CEMIP2: variants seen among roughly 807,000 people sequenced by gnomAD.
CEMIP2 encodes cell migration inducing hyaluronidase 2, also known as cell surface hyaluronidase CEMIP2.
A neutral mutation model predicts 146.9 loss-of-function variants in CEMIP2; 79 were observed. That is an observed-to-expected ratio of 0.54 (90% CI 0.45 to 0.65). The LOEUF is 0.65. Among genes scored for constraint, CEMIP2 ranks in the 30% least tolerant of loss-of-function variants. The pLI, the probability that CEMIP2 is intolerant of heterozygous loss-of-function variation, is 0.00. For missense variants in CEMIP2, 1,596 were observed against 1,696.2 expected, an observed-to-expected ratio of 0.94 and a Z score of 1.04; for synonymous variants, 601 against 606.3, an observed-to-expected ratio of 0.99 and a Z score of 0.13.
Position 71,685,667 on chromosome 9 carries a change from G to T in CEMIP2, c.3955+76C>A. The T allele has an allele frequency of 3.3e-6, 4 of 1,225,408 alleles. No homozygotes were observed. In the East Asian group the frequency reaches 7.1e-5, roughly 22 times the overall value. 75.9% of individuals were successfully genotyped at this position (1,225,408 alleles called of 1,614,324 possible). ...GCAAACAAGCTCATGAAAATGGTCT[G>T]GTAGCTGAATTGCACCATAAAATTA... On this transcript the variant is annotated intron_variant, in intron 23 of 23. Coordinates refer to ENST00000377044, the MANE Select transcript of CEMIP2 (RefSeq NM_013390.3).
chr9:71,684,432 A>T lies in CEMIP2; in HGVS notation c.*765T>A, dbSNP rs1821995061. 6.5e-6 allele frequency: 1 copy of T among 152,674 alleles called. No individual in the cohort carries two copies. The highest frequency in any genetic ancestry group is 1.5e-5 in the Non-Finnish European group (1 of 68,050). The allele number at this position is 152,674 out of a possible 1,614,324, so 9.5% of individuals were successfully genotyped here. A position where few individuals can be genotyped will look rare whatever the true frequency, so the allele number is the denominator to read the frequency against. On this transcript the variant is annotated 3_prime_UTR_variant, in exon 24 of 24. Coordinates refer to ENST00000377044, the MANE Select transcript of CEMIP2 (RefSeq NM_013390.3). ...AATATTCAGTTGAGCTCTGCATTTT[A>T]AACACAAATATACAGTCAAAAGAGG...
In CEMIP2 at chr9:71,732,351, C is replaced by A. The variant is rs1823643029; in HGVS notation, c.1563G>T (p.Met521Ile). 1 of 1,605,414 alleles carries A rather than the reference C, an allele frequency of 6.2e-7. No individual in the cohort carries two copies. Among genetic ancestry groups the A allele is most frequent in the Non-Finnish European group, 8.5e-7 (1 of 1,177,248 alleles). The change falls in exon 7 of 24, where the codon ATG becomes ATT. Residue 521 changes from methionine to isoleucine, a missense_variant and splice_region_variant. Met to Ile is a conservative substitution (Grantham distance 10). Transcript: ENST00000377044. ...GAAATAATCAAATCCTTTTGCCTAC[C>A]ATAATGTGTCCCCCAAAGGTATCAT... is the stretch of plus-strand genomic sequence containing the variant. ...FDYDTFGGHI[M>I]IMKNFTSVHL...
chr9:71,696,473 TAA>T (rs879499680), intron 20 of CEMIP2, among the ~76,000 whole-genome samples: 5 of 143,688 alleles, frequency 3.5e-5, no homozygotes, highest in Non-Finnish European at 1.5e-5. Context: ...GAGTTGCCAT[TAA>T]AAAAAAAAAA....
chr9:71,731,261 T>C (rs150890920), intron 7 of CEMIP2, among the ~76,000 whole-genome samples: 11 of 152,378 alleles, frequency 7.2e-5, no homozygotes, highest in African/African-American at 2.6e-4. Context: ...CAGAGTCTGA[T>C]AAATAGTTAT....
intron 1 of CEMIP2, among the ~76,000 whole-genome samples, chr9:71,764,848 C>G (rs919270975): frequency 2.0e-5 from 3 of 151,866 alleles, no homozygotes; most frequent in African/African-American, 7.3e-5. Context: ...AATTATACCT[C>G]TTTACAAATG....
In CEMIP2 at chr9:71,709,458, A is replaced by C. The variant is rs770346868; in HGVS notation, c.2786T>G (p.Phe929Cys). 6.2e-7 allele frequency: 1 copy of C among 1,614,174 alleles called. No homozygotes were observed. The highest frequency in any genetic ancestry group is 8.5e-7 in the Non-Finnish European group (1 of 1,180,020). The change falls in exon 17 of 24, where the codon TTT (phenylalanine) becomes TGT (cysteine). Residue 929 changes from phenylalanine to cysteine, a missense_variant. Phe to Cys is a radical substitution (Grantham distance 205). Coordinates refer to ENST00000377044, the MANE Select transcript of CEMIP2 (RefSeq NM_013390.3). ...AAACCAGGGACCAGGCTTTCCAAAA[A>C]AGACATTCAGAGAGACCTGACCACA... Reference protein sequence around the residue: ...KFGPHVSLNVFFGKPGPWFED... With the variant: ...KFGPHVSLNVCFGKPGPWFED...
At chr9:71,750,475 C>G in intron 1 of CEMIP2, 90 bp from the exon 2 acceptor site, 1 of 1,012,872 alleles carries the variant, frequency 9.9e-7, no homozygotes, top group South Asian at 1.9e-5. Flanking sequence ...GAGTTTCACT[C>G]TTGTTGCCCA....
rs542607940 is a variant in CEMIP2 at position 71,760,750 on chromosome 9, G to A, written c.-13+7607C>T. On this transcript the variant is annotated intron_variant, in intron 1 of 23. Transcript: ENST00000377044. ...GAGCAACCAAAAATAAAAATAAAAA[G>A]AGAGCAAAGTACATAGGCCTCTAGG... Among the ~76,000 whole-genome samples, 3 of 152,158 alleles carry A rather than the reference G, an allele frequency of 2.0e-5. No homozygotes were observed. The South Asian group carries it at 6.2e-4, about 32-fold the overall frequency.
At chr9:71,685,421 A>T in intron 23 of CEMIP2, 28 bp from the exon 24 acceptor site, 1 of 1,463,474 alleles carries the variant, frequency 6.8e-7, no homozygotes. Context: ...AAAGAAAAAG[A>T]AAAAAAATCA....
intron 13 of CEMIP2, among the ~76,000 whole-genome samples, chr9:71,717,451 C>A (rs575437305): frequency 2.4e-4 from 36 of 152,016 alleles, no homozygotes; most frequent in Non-Finnish European, 4.7e-4. Flanking sequence ...CTTAGCTCAA[C>A]ATGCATGAGA....
At chr9:71,729,168 T>A (rs1207951028) in intron 10 of CEMIP2, among the ~76,000 whole-genome samples, 1 of 151,028 alleles carries the variant, frequency 6.6e-6, no homozygotes, top group Non-Finnish European at 1.5e-5. Context: ...CACCCTGAAA[T>A]TGAAATTATC....
intron 4 of CEMIP2, among the ~76,000 whole-genome samples, chr9:71,744,369 T>C (rs888094791): frequency 6.6e-6 from 1 of 152,082 alleles, no homozygotes; most frequent in Non-Finnish European, 1.5e-5. Flanking sequence ...GGCAAGACCC[T>C]GTCACTAAAA....
chr9:71,739,595 C>A (rs1397686660), intron 5 of CEMIP2, among the ~76,000 whole-genome samples: 1 of 151,036 alleles, frequency 6.6e-6, no homozygotes, highest in East Asian at 1.9e-4. Flanking sequence ...ACGCCAAGCC[C>A]AGAAGATTGT....
chr9:71,754,523 G>A (rs1287526094), intron 1 of CEMIP2, among the ~76,000 whole-genome samples: 1 of 152,108 alleles, frequency 6.6e-6, no homozygotes, highest in Middle Eastern at 3.2e-3. Context: ...GAAAACACAT[G>A]CTATGAAGAA....
chr9:71,730,186 C>T lies in CEMIP2; in HGVS notation c.1841G>A (p.Arg614Lys), dbSNP rs200595697. The change falls in exon 9 of 24, where the codon AGG (arginine) becomes AAG (lysine). Residue 614 changes from arginine (R) to lysine (K), a missense_variant. Transcript: ENST00000377044. ...TCCCAGATTGTGGAACAAAGTATTCCTCTGTTCAATACCATCTTCCAAAAA... is the reference window on the plus strand; with the variant it reads ...TCCCAGATTGTGGAACAAAGTATTCTTCTGTTCAATACCATCTTCCAAAAA... ...CFFLEDGIEQ[R>K]NTLFHNLGLL... 2.3e-4 allele frequency: 373 copies of T among 1,614,030 alleles called. No individual in the cohort carries two copies. Among genetic ancestry groups the T allele is most frequent in the Non-Finnish European group, 2.9e-4 (345 of 1,180,050 alleles).
intron 1 of CEMIP2, among the ~76,000 whole-genome samples, chr9:71,756,189 T>TGTTAGATAGATAGATA (rs1824436299): frequency 9.6e-6 from 1 of 103,736 alleles, no homozygotes; most frequent in South Asian, 4.2e-4. Context: ...TAAGCAAAAA[T>TGTTAGATAGATAGATA]GCTAGATAGA....
At chr9:71,751,691 T>C (rs1179252074) in intron 1 of CEMIP2, among the ~76,000 whole-genome samples, 2 of 152,164 alleles carry the variant, frequency 1.3e-5, no homozygotes, top group Non-Finnish European at 2.9e-5. Context: ...TCTTGGCAGG[T>C]CACACTTTGA....
chr9:71,706,344 T>C (rs986659275), intron 17 of CEMIP2, among the ~76,000 whole-genome samples: 5 of 152,076 alleles, frequency 3.3e-5, no homozygotes, highest in Admixed American at 6.5e-5. Context: ...GCATACTACA[T>C]CATTTCTAAG....
Position 71,712,284 on chromosome 9 carries a change from T to A in CEMIP2, c.2592-24A>T, listed in dbSNP as rs1395637885. On this transcript the variant is annotated intron_variant, in intron 15 of 23. Coordinates refer to ENST00000377044, the MANE Select transcript of CEMIP2 (RefSeq NM_013390.3). Reference sequence around the variant, plus strand: ...TCCTGTGGAAATACAAGATTTTGTTTAATGCATATGGGCTGTCCCCTTAGC... The same window carrying A: ...TCCTGTGGAAATACAAGATTTTGTTAAATGCATATGGGCTGTCCCCTTAGC... 2 of 1,611,172 alleles carry A rather than the reference T, an allele frequency of 1.2e-6. 1 individual carries two copies. Among genetic ancestry groups the A allele is most frequent in the Admixed American group, 3.3e-5 (2 of 59,840 alleles).
Sources: gnomAD v4.1 joint callset for allele counts (sites outside exome capture counted in the v4.1 genomes callset) on GRCh38, gnomAD v4.1.1 for gene constraint, MANE v1.5 for transcripts, NCBI Gene and HGNC (gene_info 2026-07-23, HGNC 2026-07-21) for gene names.